The following ARHGAP26 variants were observed in gnomAD, a reference collection of about 807,000 sequenced individuals.
ARHGAP26 encodes rho GTPase-activating protein 26.
ARHGAP26 carries 38 observed loss-of-function variants against 104.8 expected under a neutral mutation model. The ratio of observed to expected loss-of-function variants is 0.36; its 90% CI spans 0.28 to 0.48. The LOEUF is 0.48. ARHGAP26 is among the 20% of genes least tolerant of loss of function. The pLI is 0.99. For synonymous variants in ARHGAP26, 341 were observed against 340.0 expected (o/e 1.00, Z -0.03); for missense variants, 704 against 947.9 (o/e 0.74, Z 3.38).
At chr5:143,020,787 C>T (rs538058243) in intron 12 of ARHGAP26, among the ~76,000 whole-genome samples, 252 of 152,084 alleles carry the variant, frequency 1.7e-3, no homozygotes, top group African/African-American at 5.7e-3. Flanking sequence ...TACAGGCACC[C>T]GCCCTCACGC....
chr5:143,190,721 A>C (rs1805809514), intron 20 of ARHGAP26, among the ~76,000 whole-genome samples: 1 of 152,240 alleles, frequency 6.6e-6, no homozygotes, highest in Admixed American at 6.5e-5. Context: ...TGAAAAAATG[A>C]GAGGACAAGC....
At chr5:142,819,527 A>G (rs1048831280) in intron 1 of ARHGAP26, among the ~76,000 whole-genome samples, 2 of 152,214 alleles carry the variant, frequency 1.3e-5, no homozygotes, top group African/African-American at 4.8e-5. Context: ...GCCAGAATAG[A>G]CAGCCTTCTG....
intron 1 of ARHGAP26, among the ~76,000 whole-genome samples, chr5:142,852,528 A>G (rs1751692216): frequency 6.6e-6 from 1 of 152,256 alleles, no homozygotes; most frequent in African/African-American, 2.4e-5. Context: ...ATGACTAATT[A>G]TAGCATTCGT....
chr5:142,859,094 A>C (rs1485559219), intron 1 of ARHGAP26, among the ~76,000 whole-genome samples: 1 of 152,130 alleles, frequency 6.6e-6, no homozygotes, highest in Non-Finnish European at 1.5e-5. Context: ...GAAGAGTTAT[A>C]ATCAGGGAGG....
chr5:142,943,629 AT>A (rs1206438758), intron 11 of ARHGAP26, among the ~76,000 whole-genome samples: 2 of 152,208 alleles, frequency 1.3e-5, no homozygotes, highest in Non-Finnish European at 2.9e-5. Flanking sequence ...AGGCACACAC[AT>A]TTAGACCATA....
intron 11 of ARHGAP26, among the ~76,000 whole-genome samples, chr5:142,989,213 T>C (rs1002995301): frequency 1.3e-5 from 2 of 152,240 alleles, no homozygotes; most frequent in African/African-American, 2.4e-5. Context: ...AATTAGCTCT[T>C]CTTGTTGAAT....
At chr5:142,869,210 T>TTTTC (rs1561985190) in intron 1 of ARHGAP26, among the ~76,000 whole-genome samples, 5 of 141,950 alleles carry the variant, frequency 3.5e-5, no homozygotes, top group African/African-American at 7.9e-5. Context: ...TCTTTTTTCT[T>TTTTC]TTTTTTTTTT....
At chr5:143,022,311 G>A (rs1780460367) in intron 12 of ARHGAP26, among the ~76,000 whole-genome samples, 1 of 152,178 alleles carries the variant, frequency 6.6e-6, no homozygotes, top group Non-Finnish European at 1.5e-5. Context: ...GACCTCAGGT[G>A]ATCCGCCTGC....
intron 11 of ARHGAP26, among the ~76,000 whole-genome samples, chr5:142,986,516 C>A (rs1039399338): frequency 2.0e-5 from 3 of 152,088 alleles, no homozygotes; most frequent in African/African-American, 7.2e-5. Flanking sequence ...TAATTAGATC[C>A]CATTTGTCAA....
chr5:143,014,138 CCTT>C (rs1779267618), intron 12 of ARHGAP26, 22 bp downstream of exon 12: 3 of 1,613,784 alleles, frequency 1.9e-6, no homozygotes, highest in African/African-American at 1.3e-5. Flanking sequence ...GCTTGGGTAA[CCTT>C]CTACAGCCAG....
At position 142,941,130 on chromosome 5, in the gene ARHGAP26, A is replaced by G. The variant is rs185807137; in HGVS notation, c.1107+9005A>G. Among the ~76,000 whole-genome samples the G allele has an allele frequency of 6.5e-3, 975 of 150,640 alleles. 6 individuals are homozygous for G. The highest frequency in any genetic ancestry group is 9.9e-3 in the South Asian group (47 of 4,750). On this transcript the variant is annotated intron_variant, in intron 11 of 22. Coordinates refer to ENST00000645722, the MANE Select transcript of ARHGAP26 (RefSeq NM_001135608.3). The stretch of plus-strand genomic sequence containing the variant: ...CTATATTCCATTGGGTATATACCCA[A>G]TGGGATTGCTAGGTCGAATGGTAGT...
intron 1 of ARHGAP26, among the ~76,000 whole-genome samples, chr5:142,855,664 T>C (rs1454935309): frequency 6.6e-6 from 1 of 152,204 alleles, no homozygotes; most frequent in Non-Finnish European, 1.5e-5. Context: ...CATCCAGCAT[T>C]ATTGGTTGCC....
At chr5:143,023,810 C>T (rs897867485) in intron 12 of ARHGAP26, among the ~76,000 whole-genome samples, 1 of 152,244 alleles carries the variant, frequency 6.6e-6, no homozygotes, top group Non-Finnish European at 1.5e-5. Context: ...CCAGGCCTGC[C>T]AGGTCTGAGC....
intron 11 of ARHGAP26, among the ~76,000 whole-genome samples, chr5:142,949,210 AGAGAGAGAGAG>A (rs1562136800): frequency 7.9e-5 from 5 of 63,140 alleles, no homozygotes; most frequent in African/African-American, 6.5e-4. Context: ...AGAGAGAGAG[AGAGAGAGAGAG>A]GAGAGAGAGA....
intron 17 of ARHGAP26, among the ~76,000 whole-genome samples, chr5:143,072,018 T>A: frequency 6.6e-6 from 1 of 151,940 alleles, no homozygotes; most frequent in Non-Finnish European, 1.5e-5. Context: ...GGAGAAAATG[T>A]TTGCAAACTA....
chr5:143,078,305 A>T (rs948383575), intron 17 of ARHGAP26, among the ~76,000 whole-genome samples: 8 of 152,184 alleles, frequency 5.3e-5, no homozygotes, highest in Non-Finnish European at 1.0e-4. Context: ...ACCTGCAACC[A>T]TCCCGAGAGT....
chr5:142,786,212 C>T (rs1441903442), intron 1 of ARHGAP26, among the ~76,000 whole-genome samples: 2 of 151,556 alleles, frequency 1.3e-5, no homozygotes, highest in Non-Finnish European at 2.9e-5. Context: ...GAACTCCTGG[C>T]CTCAAGTGAT....
At chr5:142,815,062 A>G (rs1442413411) in intron 1 of ARHGAP26, among the ~76,000 whole-genome samples, 1 of 152,126 alleles carries the variant, frequency 6.6e-6, no homozygotes, top group African/African-American at 2.4e-5. Flanking sequence ...GTGGGGTGGC[A>G]TGATCTCGGC....
Position 143,155,587 on chromosome 5 carries a change from G to A in ARHGAP26, c.1988+8206G>A, listed in dbSNP as rs74649023. Reference sequence around the variant, plus strand: ...TGACCCAGCAGGGTTTCTTTCCCAAGCACCAGGGACCCATCGGTGGCACTT... The same window carrying A: ...TGACCCAGCAGGGTTTCTTTCCCAAACACCAGGGACCCATCGGTGGCACTT... On this transcript the variant is annotated intron_variant, in intron 20 of 22. Coordinates refer to ENST00000645722, the MANE Select transcript of ARHGAP26 (RefSeq NM_001135608.3). Among the ~76,000 whole-genome samples, 242 of 152,294 alleles carry A rather than the reference G, an allele frequency of 1.6e-3. 2 individuals are homozygous for A. The East Asian group carries it at 0.044, about 28-fold the overall frequency.
Sources: allele counts gnomAD v4.1 joint callset (sites outside exome capture counted in the v4.1 genomes callset), GRCh38; gene constraint gnomAD v4.1.1; transcripts MANE v1.5; gene names NCBI Gene and HGNC (gene_info 2026-07-23, HGNC 2026-07-21).